Variants in CDH13 observed in about 807,000 individuals in gnomAD.
CDH13 encodes the protein cadherin-13.
CDH13 carries 24 observed loss-of-function variants against 63.8 expected under a neutral mutation model. The ratio of observed to expected loss-of-function variants is 0.38; its 90% CI spans 0.27 to 0.53. The LOEUF is 0.53. CDH13 is among the 20% of genes least tolerant of loss of function. The probability of loss-of-function intolerance (pLI) is 0.85; values close to 1 mark genes in which losing one functional copy is unlikely to be tolerated. For missense variants in CDH13, 1,049 were observed against 903.1 expected (o/e 1.16, Z -2.07); for synonymous variants, 503 against 355.3 (o/e 1.42, Z -4.67).
At chr16:82,691,579 A>C (rs1197691991) in intron 1 of CDH13, among the ~76,000 whole-genome samples, 2 of 152,068 alleles carry the variant, frequency 1.3e-5, no homozygotes, top group African/African-American at 4.8e-5. Context: ...CTTCCAAATA[A>C]ACTACCTGTA....
At chr16:83,546,392 G>A (rs535562846) in intron 7 of CDH13, among the ~76,000 whole-genome samples, 16 of 151,256 alleles carry the variant, frequency 1.1e-4, no homozygotes, top group East Asian at 7.8e-4. Flanking sequence ...TTTTATTTTC[G>A]GTTGTACCTG....
chr16:82,878,368 C>G (rs1015609635), intron 2 of CDH13, among the ~76,000 whole-genome samples: 4 of 151,806 alleles, frequency 2.6e-5, no homozygotes, highest in Non-Finnish European at 5.9e-5. Context: ...CTTTCACTCT[C>G]TTTGCTCCTA....
At chr16:82,838,772 C>G (rs2615129) in intron 1 of CDH13, among the ~76,000 whole-genome samples, 137,019 of 152,218 alleles carry the variant, frequency 0.9, 62,668 homozygotes, top group East Asian at 0.99. Flanking sequence ...TGATGTCATA[C>G]GTGACAAGTG....
chr16:82,916,275 C>T (rs1055607171), intron 2 of CDH13, among the ~76,000 whole-genome samples: 4 of 152,014 alleles, frequency 2.6e-5, no homozygotes, highest in African/African-American at 9.7e-5. Context: ...TAAAATGATT[C>T]AAATAAAAGG....
chr16:82,991,147 T>G (rs191330608), intron 2 of CDH13, among the ~76,000 whole-genome samples: 69 of 152,292 alleles, frequency 4.5e-4, no homozygotes, highest in African/African-American at 1.5e-3. Flanking sequence ...CAAGCAACAG[T>G]GACAACTTAG....
intron 6 of CDH13, among the ~76,000 whole-genome samples, chr16:83,363,363 T>C (rs768491491): frequency 2.6e-5 from 4 of 152,198 alleles, no homozygotes; most frequent in Non-Finnish European, 4.4e-5. Context: ...CATATGTGAG[T>C]ATGCATGTGT....
chr16:82,945,127 A>G (rs1038987145), intron 2 of CDH13, among the ~76,000 whole-genome samples: 10 of 152,190 alleles, frequency 6.6e-5, no homozygotes, highest in African/African-American at 2.4e-4. Context: ...TTAATAACAC[A>G]AAGACATTTC....
rs1469504043 is a variant in CDH13, at chr16:83,694,001, C to A, written c.1538+15540C>A. Among the ~76,000 whole-genome samples the A allele has an allele frequency of 2.0e-5, 3 of 152,180 alleles. No homozygotes were observed. In the East Asian group the frequency reaches 5.8e-4, roughly 29 times the overall value. On this transcript the variant is annotated intron_variant, in intron 10 of 13. Coordinates refer to ENST00000567109, the MANE Select transcript of CDH13 (RefSeq NM_001257.5). ...TGACAATTCAGAACCTCTAATCATA[C>A]CTAGTCCACTATCTGTCAGGATTCA... is the stretch of plus-strand genomic sequence containing the variant.
chr16:83,732,871 T>G (rs1164684868), intron 10 of CDH13, among the ~76,000 whole-genome samples: 1 of 152,218 alleles, frequency 6.6e-6, no homozygotes, highest in African/African-American at 2.4e-5. Context: ...TTCCACTTGC[T>G]TCTGACACAT....
chr16:83,097,091 T>C (rs2034244214), intron 3 of CDH13, among the ~76,000 whole-genome samples: 1 of 152,216 alleles, frequency 6.6e-6, no homozygotes, highest in Non-Finnish European at 1.5e-5. Flanking sequence ...GACAAGTTGC[T>C]CAACCTCATT....
At chr16:83,672,929 T>C (rs1302086899) in intron 9 of CDH13, among the ~76,000 whole-genome samples, 2 of 152,246 alleles carry the variant, frequency 1.3e-5, no homozygotes, top group African/African-American at 4.8e-5. Flanking sequence ...CTATGACTTT[T>C]ACAGCTTCGA....
At chr16:83,055,739 G>A (rs1010699724) in intron 3 of CDH13, among the ~76,000 whole-genome samples, 1 of 152,030 alleles carries the variant, frequency 6.6e-6, no homozygotes, top group African/African-American at 2.4e-5. Flanking sequence ...ACGCTTTCCA[G>A]CTTCTTTCTG....
chr16:83,093,017 A>T (rs533627219), intron 3 of CDH13, among the ~76,000 whole-genome samples: 1 of 152,220 alleles, frequency 6.6e-6, no homozygotes, highest in African/African-American at 2.4e-5. Context: ...GTGAGCACAG[A>T]GATGGTTATA....
Position 83,643,130 on chromosome 16 carries a change from T to C in CDH13, c.1102-27660T>C, listed in dbSNP as rs1380872660. 4.0e-5 allele frequency among the ~76,000 whole-genome samples: 2 copies of C among 50,336 alleles called. 1 individual carries two copies. The highest frequency in any genetic ancestry group is 1.8e-4 in the African/African-American group (2 of 10,922). 33.0% of individuals were successfully genotyped at this position (50,336 alleles called of 152,430 possible). ...GGGGAATATCACACTCTGGGGACTG[T>C]GGTGGGGTCGGGGGAGGGGGGAGGG... On this transcript the variant is annotated intron_variant, in intron 8 of 13. Transcript: ENST00000567109.
At chr16:83,313,478 C>T (rs575295974) in intron 5 of CDH13, among the ~76,000 whole-genome samples, 85 of 152,190 alleles carry the variant, frequency 5.6e-4, no homozygotes, top group African/African-American at 1.8e-3. Flanking sequence ...TTACTCTGTG[C>T]TAATAATTGA....
intron 1 of CDH13, among the ~76,000 whole-genome samples, chr16:82,829,951 A>G (rs1275683661): frequency 1.3e-5 from 2 of 152,240 alleles, no homozygotes; most frequent in Non-Finnish European, 2.9e-5. Context: ...GGAAAATAGT[A>G]ATAAAGACGA....
At chr16:83,598,806 G>C (rs939206520) in intron 7 of CDH13, among the ~76,000 whole-genome samples, 20 of 152,230 alleles carry the variant, frequency 1.3e-4, no homozygotes, top group African/African-American at 4.8e-4. Context: ...GACTTTCTTT[G>C]TGTGGTTACA....
intron 2 of CDH13, among the ~76,000 whole-genome samples, chr16:82,883,012 G>C (rs908849842): frequency 6.6e-6 from 1 of 152,142 alleles, no homozygotes; most frequent in African/African-American, 2.4e-5. Context: ...CTATGAGAAA[G>C]TTCACTAATT....
At chr16:83,206,516 C>T (rs1460455679) in intron 4 of CDH13, among the ~76,000 whole-genome samples, 1 of 152,214 alleles carries the variant, frequency 6.6e-6, no homozygotes, top group East Asian at 1.9e-4. Flanking sequence ...CTCACATGCA[C>T]CCGACAGTTT....
Sources: gnomAD v4.1 joint callset for allele counts (sites outside exome capture counted in the v4.1 genomes callset) on GRCh38, gnomAD v4.1.1 for gene constraint, MANE v1.5 for transcripts, NCBI Gene and HGNC (gene_info 2026-07-23, HGNC 2026-07-21) for gene names.